Variants in EIF4G3 observed in about 807,000 individuals in gnomAD.
EIF4G3 encodes the protein eukaryotic translation initiation factor 4 gamma 3, also known as eIF-4-gamma 3.
EIF4G3 carries 34 observed loss-of-function variants against 186.4 expected under a neutral mutation model. That is an observed-to-expected ratio of 0.18 (90% confidence interval 0.14 to 0.24). The LOEUF (loss-of-function observed/expected upper bound fraction) is 0.24, where lower values mean the gene tolerates loss of function less well. Among genes scored for constraint, EIF4G3 ranks in the 10% least tolerant of loss-of-function variants. The pLI is 1.00. For synonymous variants in EIF4G3, 673 were observed against 679.5 expected (o/e 0.99, Z 0.15); for missense variants, 1,536 against 1,948.5 (o/e 0.79, Z 3.99).
intron 10 of EIF4G3, 29 bp from the exon 11 acceptor site, chr1:20,973,128 A>T: frequency 6.5e-7 from 1 of 1,534,384 alleles, no homozygotes. Flanking sequence ...TTAAATAGGC[A>T]TTCAGTTATT....
intron 2 of EIF4G3, among the ~76,000 whole-genome samples, chr1:21,166,127 T>TTTTTTTTTTTTTTGAG (rs1387588547): frequency 1.3e-5 from 2 of 149,160 alleles, no homozygotes; most frequent in South Asian, 2.1e-4. Flanking sequence ...TTTTTCCTTT[T>TTTTTTTTTTTTTTGAG]AAAAATTCAT....
At chr1:21,071,060 T>C (rs980267369) in intron 3 of EIF4G3, among the ~76,000 whole-genome samples, 5 of 152,166 alleles carry the variant, frequency 3.3e-5, no homozygotes, top group African/African-American at 7.2e-5. Flanking sequence ...AAAGAATAAA[T>C]TGAAAATTCA....
At chr1:21,117,249 A>T (rs893852559) in intron 2 of EIF4G3, among the ~76,000 whole-genome samples, 10 of 152,132 alleles carry the variant, frequency 6.6e-5, no homozygotes, top group Non-Finnish European at 1.5e-4. Flanking sequence ...ACATAAAAAC[A>T]TTAATATTTT....
At chr1:20,907,873 T>C (rs1310073816) in intron 14 of EIF4G3, among the ~76,000 whole-genome samples, 2 of 152,170 alleles carry the variant, frequency 1.3e-5, no homozygotes, top group Non-Finnish European at 2.9e-5. Context: ...TGTGTCTTTA[T>C]AGCAGCATGA....
chr1:21,036,918 A>G (rs1412264475), intron 4 of EIF4G3, among the ~76,000 whole-genome samples: 2 of 152,192 alleles, frequency 1.3e-5, no homozygotes, highest in Non-Finnish European at 1.5e-5. Flanking sequence ...TATGAGTTAC[A>G]TTCTAGAAAT....
intron 14 of EIF4G3, among the ~76,000 whole-genome samples, chr1:20,918,062 A>G (rs1247857044): frequency 2.0e-5 from 3 of 152,052 alleles, no homozygotes; most frequent in Non-Finnish European, 4.4e-5. Flanking sequence ...TTAATGACAA[A>G]TGTGTCCACT....
At chr1:21,104,206 A>G (rs2096575372) in intron 2 of EIF4G3, among the ~76,000 whole-genome samples, 1 of 152,198 alleles carries the variant, frequency 6.6e-6, no homozygotes, top group African/African-American at 2.4e-5. Context: ...AAGTGGTACT[A>G]GAAAGACAAA....
rs1337393888 is a variant in EIF4G3 at position 20,860,420 on chromosome 1, A to G, written c.3209T>C (p.Val1070Ala). The G allele has an allele frequency of 1.9e-6, 3 of 1,613,974 alleles. No individual in the cohort carries two copies. The highest frequency in any genetic ancestry group is 1.7e-6 in the Non-Finnish European group (2 of 1,180,002). ...CTTCTCTTTGGTCATGAGTTGCTGGACCTTCCTTTGCTCTTCTTGTTCTTC... is the reference window on the plus strand; with the variant it reads ...CTTCTCTTTGGTCATGAGTTGCTGGGCCTTCCTTTGCTCTTCTTGTTCTTC... The part of the protein sequence containing the change: ...KIEEQEEQRK[V>A]QQLMTKEKRR... Residue 1070 changes from valine (V) to alanine (A), a missense_variant, in exon 24 of 37, where the codon GTC (valine) becomes GCC (alanine). By Grantham distance (64) the Val-to-Ala change is moderately conservative (BLOSUM62 0). Around this residue, in one of 11 missense-constraint regions of EIF4G3, gnomAD observed 110 missense variants for 166.2 expected, o/e 0.66. Transcript: ENST00000602326.
intron 10 of EIF4G3, among the ~76,000 whole-genome samples, chr1:20,974,768 T>C (rs1381298230): frequency 6.6e-6 from 1 of 152,110 alleles, no homozygotes; most frequent in African/African-American, 2.4e-5. Context: ...ATTGTCAATG[T>C]GGGAAAGAAA....
At chr1:21,159,838 G>A (rs555613031) in intron 2 of EIF4G3, among the ~76,000 whole-genome samples, 1 of 152,130 alleles carries the variant, frequency 6.6e-6, no homozygotes, top group African/African-American at 2.4e-5. Flanking sequence ...CAGGTGCGGT[G>A]GCTTACACCT....
intron 31 of EIF4G3, 137 bp downstream of exon 31, chr1:20,829,010 A>G (rs1308569560): frequency 7.8e-6 from 7 of 894,722 alleles, no homozygotes; most frequent in Non-Finnish European, 1.2e-5. Flanking sequence ...CACTGAAATC[A>G]GAAGTCTTAA....
chr1:20,895,632 T>C (rs888109206), intron 16 of EIF4G3, 131 bp from the exon 17 acceptor site: 13 of 1,011,566 alleles, frequency 1.3e-5, no homozygotes, highest in Non-Finnish European at 1.8e-5. Flanking sequence ...CATAAGGCTA[T>C]AATGAAGCTG....
At chr1:20,989,515 C>A (rs2080503495) in intron 7 of EIF4G3, among the ~76,000 whole-genome samples, 1 of 138,552 alleles carries the variant, frequency 7.2e-6, no homozygotes, top group Non-Finnish European at 1.5e-5. Context: ...CGAGATCATG[C>A]CACTGCACTG....
At chr1:21,108,923 A>C (rs962955700) in intron 2 of EIF4G3, among the ~76,000 whole-genome samples, 1 of 150,450 alleles carries the variant, frequency 6.6e-6, no homozygotes, top group Non-Finnish European at 1.5e-5. Flanking sequence ...AAAAAAAAAA[A>C]AACTACAAGG....
At chr1:21,006,474 A>G (rs2085119102) in intron 4 of EIF4G3, among the ~76,000 whole-genome samples, 2 of 152,226 alleles carry the variant, frequency 1.3e-5, no homozygotes, top group Non-Finnish European at 2.9e-5. Context: ...TCTGCAATCC[A>G]GTATACTGTC....
chr1:20,926,007 C>T (rs1368037075), intron 14 of EIF4G3, among the ~76,000 whole-genome samples: 1 of 152,058 alleles, frequency 6.6e-6, no homozygotes, highest in Non-Finnish European at 1.5e-5. Context: ...ACTTTGTATC[C>T]CTTGTTATCA....
intron 16 of EIF4G3, among the ~76,000 whole-genome samples, chr1:20,899,042 C>A (rs1250204307): frequency 6.6e-6 from 1 of 152,112 alleles, no homozygotes; most frequent in Non-Finnish European, 1.5e-5. Flanking sequence ...AACTTTCTGT[C>A]AAAGGAACCA....
chr1:21,140,570 A>G (rs1033923667), intron 2 of EIF4G3, among the ~76,000 whole-genome samples: 1 of 152,244 alleles, frequency 6.6e-6, no homozygotes, highest in African/African-American at 2.4e-5. Context: ...TTGGCCTCCC[A>G]AAGTGCTGGG....
intron 34 of EIF4G3, among the ~76,000 whole-genome samples, chr1:20,815,652 G>T (rs1224945371): frequency 6.9e-6 from 1 of 144,646 alleles, no homozygotes; most frequent in South Asian, 2.3e-4. Context: ...AGGGAGGTGG[G>T]GGGGGGTCAG....
Sources: gnomAD v4.1 joint callset for allele counts (sites outside exome capture counted in the v4.1 genomes callset) on GRCh38, gnomAD v4.1.1 for gene constraint, gnomAD v4.1.1 regional missense constraint, MANE v1.5 for transcripts, NCBI Gene and HGNC (gene_info 2026-07-23, HGNC 2026-07-21) for gene names.